MARCHF1: variants seen among roughly 807,000 people sequenced by gnomAD.
The protein encoded by MARCHF1 is E3 ubiquitin-protein ligase MARCHF1.
A neutral mutation model predicts 54.2 loss-of-function variants in MARCHF1; 40 were observed. The observed-to-expected ratio is 0.74, with a 90% confidence interval of 0.57 to 0.96. The LOEUF (loss-of-function observed/expected upper bound fraction) is 0.96. MARCHF1 is among the 40% of genes least tolerant of loss of function. The pLI, the probability that MARCHF1 is intolerant of heterozygous loss-of-function variation, is 0.00. For synonymous variants in MARCHF1, 236 were observed against 236.3 expected (o/e 1.00, Z 0.01); for missense variants, 586 against 656.5 (o/e 0.89, Z 1.17).
chr4:163,939,320 G>A (rs915444821), intron 3 of MARCHF1, among the ~76,000 whole-genome samples: 5 of 152,144 alleles, frequency 3.3e-5, no homozygotes, highest in Non-Finnish European at 5.9e-5. Flanking sequence ...TTGACTTCCT[G>A]TATCCTTGAT....
chr4:164,130,642 A>G (rs1756281488), intron 1 of MARCHF1, among the ~76,000 whole-genome samples: 1 of 152,056 alleles, frequency 6.6e-6, no homozygotes, highest in Non-Finnish European at 1.5e-5. Context: ...TCTTCACAAC[A>G]CCCTGGGAGG....
intron 2 of MARCHF1, among the ~76,000 whole-genome samples, chr4:163,989,852 G>A (rs926800507): frequency 1.7e-4 from 26 of 151,922 alleles, no homozygotes; most frequent in African/African-American, 5.8e-4. Context: ...TGTTTTTTGT[G>A]TTTGTTCACC....
At chr4:163,811,973 A>G (rs181323024) in intron 4 of MARCHF1, among the ~76,000 whole-genome samples, 24 of 152,252 alleles carry the variant, frequency 1.6e-4, no homozygotes, top group East Asian at 9.6e-4. Flanking sequence ...ACTCTCCCCA[A>G]TGTGGTGGAC....
chr4:163,617,568 A>G (rs755704428), intron 5 of MARCHF1, among the ~76,000 whole-genome samples: 30 of 152,292 alleles, frequency 2.0e-4, no homozygotes, highest in Admixed American at 1.0e-3. Flanking sequence ...TTTTAAGATC[A>G]ACTTCTTATT....
intron 3 of MARCHF1, among the ~76,000 whole-genome samples, chr4:163,972,707 C>T (rs991658014): frequency 3.1e-5 from 4 of 129,536 alleles, no homozygotes; most frequent in African/African-American, 8.7e-5. Context: ...CCACCATGGC[C>T]GGCTAATTTT....
chr4:163,809,561 T>C lies in MARCHF1; in HGVS notation c.111+44460A>G, dbSNP rs138606688. On this transcript the variant is annotated intron_variant, in intron 4 of 9. Coordinates refer to ENST00000514618, the MANE Select transcript of MARCHF1 (RefSeq NM_001394959.1). ...AAGTCCTCCATGATTTCAGAATAAG[T>C]CAGAGGAAAAGGTCACAATTTGTAT... 6.2e-3 allele frequency among the ~76,000 whole-genome samples: 949 copies of C among 152,278 alleles called. 6 individuals are homozygous for C. Among genetic ancestry groups the C allele is most frequent in the South Asian group, 0.016 (77 of 4,832 alleles).
intron 5 of MARCHF1, among the ~76,000 whole-genome samples, chr4:163,627,298 G>T (rs1741906071): frequency 6.6e-6 from 1 of 152,114 alleles, no homozygotes; most frequent in African/African-American, 2.4e-5. Context: ...TTTTATTGAA[G>T]TCAGTTTCTT....
At chr4:164,248,397 G>C (rs566337346) in intron 1 of MARCHF1, among the ~76,000 whole-genome samples, 1 of 152,020 alleles carries the variant, frequency 6.6e-6, no homozygotes, top group East Asian at 1.9e-4. Context: ...GCCTAGTAAG[G>C]GCTACAAGAT....
intron 1 of MARCHF1, among the ~76,000 whole-genome samples, chr4:164,234,564 A>C (rs936285678): frequency 3.9e-5 from 6 of 152,118 alleles, no homozygotes; most frequent in Admixed American, 1.3e-4. Context: ...GCATTACTGT[A>C]ATGCATTTCT....
intron 2 of MARCHF1, among the ~76,000 whole-genome samples, chr4:164,091,862 T>TTGTGTGTG (rs56160451): frequency 0.033 from 4,909 of 148,586 alleles, 104 homozygotes; most frequent in Middle Eastern, 0.1. Flanking sequence ...ATGTATACTT[T>TTGTGTGTG]TGTGTGTGTG....
intron 3 of MARCHF1, among the ~76,000 whole-genome samples, chr4:163,956,863 A>G (rs1384735464): frequency 6.6e-6 from 1 of 152,086 alleles, no homozygotes; most frequent in East Asian, 1.9e-4. Context: ...TTACTGTGAT[A>G]GTTATACATT....
intron 1 of MARCHF1, among the ~76,000 whole-genome samples, chr4:164,138,224 T>G (rs1160088474): frequency 6.6e-6 from 1 of 152,134 alleles, no homozygotes. Context: ...ACCTAGGTTT[T>G]TTTTTTCTTT....
At chr4:163,989,510 A>C (rs1752934756) in intron 2 of MARCHF1, among the ~76,000 whole-genome samples, 1 of 152,152 alleles carries the variant, frequency 6.6e-6, no homozygotes, top group Non-Finnish European at 1.5e-5. Flanking sequence ...TATATGTTTG[A>C]ATTACTAGCA....
chr4:164,378,286 T>C (rs1731257226), intron 1 of MARCHF1, among the ~76,000 whole-genome samples: 1 of 152,198 alleles, frequency 6.6e-6, no homozygotes, highest in Admixed American at 6.5e-5. Flanking sequence ...TTTGGCAGTC[T>C]TGAGGGACTG....
chr4:164,255,390 T>TAA (rs3060483), intron 1 of MARCHF1, among the ~76,000 whole-genome samples: 1 of 132,166 alleles, frequency 7.6e-6, no homozygotes, highest in Non-Finnish European at 1.6e-5. Context: ...GCAAGAAAGA[T>TAA]AAAAAAAAAA....
intron 3 of MARCHF1, among the ~76,000 whole-genome samples, chr4:163,975,526 A>G (rs1292228015): frequency 1.3e-5 from 2 of 152,220 alleles, no homozygotes; most frequent in Non-Finnish European, 2.9e-5. Context: ...TACCAGCAGA[A>G]TAACCTCAAA....
intron 3 of MARCHF1, among the ~76,000 whole-genome samples, chr4:163,971,408 A>G (rs1021684660): frequency 2.0e-5 from 3 of 152,248 alleles, no homozygotes; most frequent in African/African-American, 7.2e-5. Flanking sequence ...TATTGCCCAT[A>G]GAAAACTAAG....
chr4:163,727,452 C>A (rs865934346), intron 4 of MARCHF1, among the ~76,000 whole-genome samples: 1 of 151,890 alleles, frequency 6.6e-6, no homozygotes. Context: ...GGACTACAGG[C>A]GCATGCCGCC....
intron 4 of MARCHF1, among the ~76,000 whole-genome samples, chr4:163,777,462 G>T (rs1388150922): frequency 1.3e-5 from 2 of 152,008 alleles, no homozygotes; most frequent in Non-Finnish European, 2.9e-5. Context: ...CTATTATAAG[G>T]CATTACATGT....
Sources: gnomAD v4.1 joint callset for allele counts (sites outside exome capture counted in the v4.1 genomes callset) on GRCh38, gnomAD v4.1.1 for gene constraint, MANE v1.5 for transcripts, NCBI Gene and HGNC (gene_info 2026-07-23, HGNC 2026-07-21) for gene names.